The following CAMK1D variants were observed in gnomAD, a reference collection of about 807,000 sequenced individuals.
CAMK1D encodes calcium/calmodulin dependent protein kinase ID.
Under a neutral mutation model 47.7 loss-of-function variants are expected in CAMK1D, and 9 were observed. That is an observed-to-expected ratio of 0.19 (90% confidence interval 0.11 to 0.33). CAMK1D has a LOEUF of 0.33. Ranked by LOEUF, CAMK1D falls within the 10% of genes least tolerant of loss-of-function variation. The pLI is 1.00. For synonymous variants in CAMK1D, 184 were observed against 184.9 expected, an observed-to-expected ratio of 0.99 and a Z score of 0.04; for missense variants, 291 against 488.7, an observed-to-expected ratio of 0.60 and a Z score of 3.81.
intron 3 of CAMK1D, among the ~76,000 whole-genome samples, chr10:12,713,425 A>T (rs184608870): frequency 6.6e-6 from 1 of 152,284 alleles, no homozygotes; most frequent in Non-Finnish European, 1.5e-5. Flanking sequence ...TGCTCCCACG[A>T]ATTCCAGGGG....
At chr10:12,424,834 G>A (rs1840171146) in intron 1 of CAMK1D, among the ~76,000 whole-genome samples, 1 of 152,082 alleles carries the variant, frequency 6.6e-6, no homozygotes, top group African/African-American at 2.4e-5. Flanking sequence ...AAACCCATTA[G>A]GGACTTCCCA....
intron 3 of CAMK1D, among the ~76,000 whole-genome samples, chr10:12,700,535 A>T (rs1833476774): frequency 6.6e-6 from 1 of 152,230 alleles, no homozygotes; most frequent in African/African-American, 2.4e-5. Flanking sequence ...GTGGGGACAC[A>T]GCCAACCAAT....
intron 3 of CAMK1D, chr10:12,760,552 A>T (rs1347041437): frequency 6.2e-6 from 1 of 161,594 alleles, no homozygotes; most frequent in African/African-American, 2.4e-5. Flanking sequence ...CGTTTTGCCC[A>T]CAACACTCTC....
chr10:12,702,826 A>G (rs1222775732), intron 3 of CAMK1D, among the ~76,000 whole-genome samples: 1 of 152,206 alleles, frequency 6.6e-6, no homozygotes, highest in Non-Finnish European at 1.5e-5. Context: ...CCATTTTGGT[A>G]CTTCCTGAAG....
At position 12,797,013 on chromosome 10, in the gene CAMK1D, G is replaced by T. The variant is rs117869644; in HGVS notation, c.641+5780G>T. 2.9e-3 allele frequency among the ~76,000 whole-genome samples: 438 copies of T among 152,284 alleles called. 3 individuals are homozygous for T. The South Asian group carries it at 0.034, about 12-fold the overall frequency. On this transcript the variant is annotated intron_variant, in intron 6 of 10. Transcript: ENST00000619168. ...TTCTCTCCCCTATAGGAAATGCTCC[G>T]TGAGAAACCAAATGAAAAGCAGAAG...
chr10:12,802,846 G>A (rs891597067), intron 6 of CAMK1D, among the ~76,000 whole-genome samples: 2 of 152,140 alleles, frequency 1.3e-5, no homozygotes, highest in African/African-American at 4.8e-5. Flanking sequence ...GGCAGGTCAC[G>A]TGGCCTCGTC....
intron 1 of CAMK1D, among the ~76,000 whole-genome samples, chr10:12,487,236 A>G (rs888383323): frequency 6.6e-6 from 1 of 152,086 alleles, no homozygotes; most frequent in Non-Finnish European, 1.5e-5. Flanking sequence ...TGTTCTCATC[A>G]TTTTAGGAGC....
chr10:12,352,611 A>AAAAAT (rs887441629), intron 1 of CAMK1D, among the ~76,000 whole-genome samples: 1 of 151,986 alleles, frequency 6.6e-6, no homozygotes, highest in East Asian at 1.9e-4. Flanking sequence ...TCGGTCTCAA[A>AAAAAT]AAAATAAAAT....
At chr10:12,415,110 A>G in intron 1 of CAMK1D, among the ~76,000 whole-genome samples, 1 of 151,882 alleles carries the variant, frequency 6.6e-6, no homozygotes, top group Non-Finnish European at 1.5e-5. Flanking sequence ...CACCTTTCTT[A>G]GTTCATTAAC....
intron 8 of CAMK1D, among the ~76,000 whole-genome samples, chr10:12,821,713 G>A (rs1422168311): frequency 6.6e-6 from 1 of 152,228 alleles, no homozygotes; most frequent in Non-Finnish European, 1.5e-5. Flanking sequence ...GGTGGCTCAT[G>A]CCTGTAATCC....
intron 2 of CAMK1D, among the ~76,000 whole-genome samples, chr10:12,569,535 C>T (rs1461234552): frequency 6.9e-6 from 1 of 145,440 alleles, no homozygotes; most frequent in Non-Finnish European, 1.5e-5. Flanking sequence ...ACGGTGAAAC[C>T]CCATCTCTAC....
chr10:12,495,487 A>G (rs1220890193), intron 1 of CAMK1D, among the ~76,000 whole-genome samples: 1 of 152,232 alleles, frequency 6.6e-6, no homozygotes, highest in Non-Finnish European at 1.5e-5. Context: ...TTCCAGTTTT[A>G]AAAAATTTTA....
chr10:12,515,082 C>T (rs1276008368), intron 1 of CAMK1D, among the ~76,000 whole-genome samples: 5 of 151,698 alleles, frequency 3.3e-5, no homozygotes, highest in Admixed American at 1.3e-4. Context: ...AGGCTGGTCT[C>T]GAACTCCTGA....
At chr10:12,435,990 C>T (rs746019647) in intron 1 of CAMK1D, among the ~76,000 whole-genome samples, 1 of 152,140 alleles carries the variant, frequency 6.6e-6, no homozygotes, top group Admixed American at 6.5e-5. Context: ...TGGGGACAGT[C>T]GGGAATGAGT....
At chr10:12,355,798 C>G (rs986960745) in intron 1 of CAMK1D, among the ~76,000 whole-genome samples, 3 of 152,006 alleles carry the variant, frequency 2.0e-5, no homozygotes, top group Non-Finnish European at 4.4e-5. Context: ...TTCTAGGCAC[C>G]GAGGAGACGG....
At chr10:12,809,977 G>A (rs113441766) in intron 6 of CAMK1D, among the ~76,000 whole-genome samples, 1 of 151,580 alleles carries the variant, frequency 6.6e-6, no homozygotes, top group Non-Finnish European at 1.5e-5. Flanking sequence ...GCAAAACCCT[G>A]TCTCTACAAA....
intron 3 of CAMK1D, among the ~76,000 whole-genome samples, chr10:12,709,738 C>T (rs112201308): frequency 2.6e-5 from 4 of 152,080 alleles, no homozygotes; most frequent in Admixed American, 6.6e-5. Context: ...CTTACTGCCT[C>T]GGGAAAACAT....
chr10:12,691,130 C>T (rs539740684), intron 3 of CAMK1D, among the ~76,000 whole-genome samples: 1 of 152,020 alleles, frequency 6.6e-6, no homozygotes, highest in East Asian at 1.9e-4. Flanking sequence ...TGGAAACTTG[C>T]TCTTTCTTTC....
intron 2 of CAMK1D, among the ~76,000 whole-genome samples, chr10:12,569,875 A>T (rs960422038): frequency 6.6e-6 from 1 of 151,940 alleles, no homozygotes; most frequent in Non-Finnish European, 1.5e-5. Flanking sequence ...CCGTAGGTTC[A>T]AGACTCTACA....
Sources: allele counts gnomAD v4.1 joint callset (sites outside exome capture counted in the v4.1 genomes callset), GRCh38; gene constraint gnomAD v4.1.1; transcripts MANE v1.5; gene names NCBI Gene and HGNC (gene_info 2026-07-23, HGNC 2026-07-21).